The following ITGA2 variants were observed in gnomAD, a reference collection of about 807,000 sequenced individuals.
ITGA2 encodes the protein integrin alpha-2.
In ITGA2, 101 loss-of-function variants were observed where a neutral mutation model predicts 146.3. That is an observed-to-expected ratio of 0.69 (90% CI 0.59 to 0.81). The LOEUF (loss-of-function observed/expected upper bound fraction) is 0.81. Ranked by LOEUF, ITGA2 falls within the 40% of genes least tolerant of loss-of-function variation. The pLI is 0.00. For missense variants in ITGA2, 1,281 were observed against 1,402.7 expected (o/e 0.91, Z 1.39); for synonymous variants, 477 against 487.1 (o/e 0.98, Z 0.27).
intron 1 of ITGA2, among the ~76,000 whole-genome samples, chr5:53,010,309 G>C (rs561544213): frequency 5.3e-5 from 8 of 152,302 alleles, no homozygotes; most frequent in Non-Finnish European, 7.4e-5. Flanking sequence ...AGAGGCCTAT[G>C]GTTGACAGCC....
intron 7 of ITGA2, among the ~76,000 whole-genome samples, chr5:53,054,570 A>G (rs1243098735): frequency 6.6e-6 from 1 of 152,142 alleles, no homozygotes; most frequent in Non-Finnish European, 1.5e-5. Flanking sequence ...TAAGCATCCA[A>G]TAATGGGGAA....
intron 7 of ITGA2, among the ~76,000 whole-genome samples, chr5:53,054,400 A>AT (rs948838127): frequency 1.4e-4 from 22 of 152,060 alleles, no homozygotes; most frequent in African/African-American, 5.1e-4. Flanking sequence ...GAATGCTCTG[A>AT]TTTTTTTCTT....
Position 53,089,951 on chromosome 5 carries a change from C to T in ITGA2, c.3354C>T (p.Pro1118=). The T allele has an allele frequency of 6.3e-7, 1 of 1,589,350 alleles. No individual in the cohort carries two copies. The highest frequency in any genetic ancestry group is 8.6e-7 in the Non-Finnish European group (1 of 1,157,554). ...YVIEDNTVTI[P]LMIMKPDEKA... ...CTGTGAACTGACATTTCCAGATTCC[C>T]CTGATGATAATGAAACCTGATGAGA... Residue 1118 remains proline (P), a synonymous_variant, in exon 29 of 30, where the codon CCC becomes CCT. Transcript: ENST00000296585.
chr5:53,065,805 G>C, intron 14 of ITGA2, 36 bp from the exon 15 acceptor site: 1 of 1,611,144 alleles, frequency 6.2e-7, no homozygotes, highest in South Asian at 1.1e-5. Flanking sequence ...TTCAGCTGTT[G>C]TGTACTATAA....
At chr5:53,003,876 G>C (rs1453572231) in intron 1 of ITGA2, among the ~76,000 whole-genome samples, 2 of 152,038 alleles carry the variant, frequency 1.3e-5, no homozygotes, top group East Asian at 3.9e-4. Flanking sequence ...GAACTCCTCA[G>C]CTCAAGCGAT....
At chr5:53,078,476 T>C (rs771667350) in intron 23 of ITGA2, among the ~76,000 whole-genome samples, 4 of 152,130 alleles carry the variant, frequency 2.6e-5, no homozygotes, top group Non-Finnish European at 5.9e-5. Context: ...TACTATCAAT[T>C]CTAAAGTAAT....
At chr5:53,056,489 A>G (rs1181159461) in intron 9 of ITGA2, among the ~76,000 whole-genome samples, 1 of 152,028 alleles carries the variant, frequency 6.6e-6, no homozygotes, top group Non-Finnish European at 1.5e-5. Flanking sequence ...GAAGCAAAGA[A>G]GCTCATACAC....
intron 2 of ITGA2, among the ~76,000 whole-genome samples, chr5:53,038,077 A>G (rs1743575897): frequency 6.6e-6 from 1 of 152,144 alleles, no homozygotes; most frequent in Non-Finnish European, 1.5e-5. Flanking sequence ...CAAATCCTGA[A>G]TTCTTAGAAA....
chr5:52,997,017 A>G (rs1333370741), intron 1 of ITGA2, among the ~76,000 whole-genome samples: 1 of 152,228 alleles, frequency 6.6e-6, no homozygotes, highest in Non-Finnish European at 1.5e-5. Context: ...AAAGAAGTTG[A>G]TGTCTATTCT....
At chr5:53,013,535 A>G (rs1316841394) in intron 1 of ITGA2, among the ~76,000 whole-genome samples, 2 of 151,882 alleles carry the variant, frequency 1.3e-5, no homozygotes, top group East Asian at 3.9e-4. Flanking sequence ...TTGAAGTTGG[A>G]TAATATGATG....
At position 53,078,772 on chromosome 5, in the gene ITGA2, A is replaced by C. The variant is rs200656903; in HGVS notation, c.2826A>C (p.Arg942Ser). ...LLYDAEIHLT[R>S]STNINFYEIS... ...TGGCTTTACAAACATCATCCAACAG[A>C]TCTACCAACATAAATTTTTATGAAA... Residue 942 changes from arginine to serine, a missense_variant and splice_region_variant, in exon 24 of 30, where the codon AGA becomes AGC. Coordinates refer to ENST00000296585, the MANE Select transcript of ITGA2 (RefSeq NM_002203.4). 8.3e-6 allele frequency: 13 copies of C among 1,575,152 alleles called. No individual in the cohort carries two copies. The East Asian group carries it at 2.9e-4, about 35-fold the overall frequency.
At chr5:53,039,811 T>A (rs1561112621) in intron 2 of ITGA2, among the ~76,000 whole-genome samples, 2 of 152,062 alleles carry the variant, frequency 1.3e-5, no homozygotes, top group Non-Finnish European at 2.9e-5. Flanking sequence ...AACTCTTTTT[T>A]AAATGATAGC....
chr5:53,047,453 T>C (rs1744146213), intron 4 of ITGA2, among the ~76,000 whole-genome samples: 2 of 152,120 alleles, frequency 1.3e-5, no homozygotes, highest in Non-Finnish European at 2.9e-5. Flanking sequence ...ATATTAAGGA[T>C]TGGAGCAGGT....
At chr5:52,991,617 T>C (rs1263454794) in intron 1 of ITGA2, among the ~76,000 whole-genome samples, 1 of 152,212 alleles carries the variant, frequency 6.6e-6, no homozygotes, top group Non-Finnish European at 1.5e-5. Flanking sequence ...ATATACCTGT[T>C]AATATGTATA....
Position 53,083,387 on chromosome 5 carries a change from C to T in ITGA2, c.3192C>T (p.Asp1064=), listed in dbSNP as rs542509955. 30 of 1,613,626 alleles carry T rather than the reference C, an allele frequency of 1.9e-5. No homozygotes were observed. Among genetic ancestry groups the T allele is most frequent in the Middle Eastern group, 1.7e-4 (1 of 6,060 alleles). Residue 1064 remains aspartate, a synonymous_variant, in exon 27 of 30, where the codon GAC becomes GAT. Coordinates refer to ENST00000296585, the MANE Select transcript of ITGA2 (RefSeq NM_002203.4). ...GTAATGTTACCTGCTGGTTGAAAGA[C>T]GTTCACATGAAAGGAGAATACTTTG... The part of the protein sequence containing the change: ...SCSNVTCWLK[D]VHMKGEYFVN...
chr5:53,045,677 A>G (rs980026027), intron 4 of ITGA2, among the ~76,000 whole-genome samples: 3 of 152,204 alleles, frequency 2.0e-5, no homozygotes, highest in Non-Finnish European at 4.4e-5. Context: ...TAATATAAAA[A>G]AACTAGAAAA....
chr5:53,062,253 T>C (rs1300408609), intron 12 of ITGA2, among the ~76,000 whole-genome samples: 2 of 151,914 alleles, frequency 1.3e-5, no homozygotes, highest in Non-Finnish European at 2.9e-5. Flanking sequence ...GCAATTTGAA[T>C]GATATTTTAA....
chr5:53,064,285 A>G (rs1745038431), intron 13 of ITGA2, among the ~76,000 whole-genome samples: 1 of 151,934 alleles, frequency 6.6e-6, no homozygotes, highest in Non-Finnish European at 1.5e-5. Flanking sequence ...ATTTTAAATC[A>G]AAAGGTTGGA....
At chr5:53,045,683 GA>G (rs1346636296) in intron 4 of ITGA2, among the ~76,000 whole-genome samples, 2 of 151,556 alleles carry the variant, frequency 1.3e-5, no homozygotes, top group Admixed American at 6.6e-5. Flanking sequence ...AAAAAAACTA[GA>G]AAAAAATGGA....
Sources: allele counts gnomAD v4.1 joint callset (sites outside exome capture counted in the v4.1 genomes callset), GRCh38; gene constraint gnomAD v4.1.1; transcripts MANE v1.5; gene names NCBI Gene and HGNC (gene_info 2026-07-23, HGNC 2026-07-21).